KNTC1: variants seen among roughly 807,000 people sequenced by gnomAD.
KNTC1 encodes kinetochore-associated protein 1.
A neutral mutation model predicts 314.4 loss-of-function variants in KNTC1; 253 were observed. The observed-to-expected ratio is 0.80, with a 90% CI of 0.73 to 0.89. KNTC1 has a LOEUF of 0.89. Among genes scored for constraint, KNTC1 ranks in the 40% least tolerant of loss-of-function variants. The pLI is 0.00. For synonymous variants in KNTC1, 901 were observed against 901.4 expected, an observed-to-expected ratio of 1.00 and a Z score of 0.01; for missense variants, 2,475 against 2,572.9, an observed-to-expected ratio of 0.96 and a Z score of 0.82.
chr12:122,585,121 T>C, intron 36 of KNTC1, 131 bp downstream of exon 36: 1 of 620,406 alleles, frequency 1.6e-6, no homozygotes, highest in Non-Finnish European at 2.9e-6. Flanking sequence ...TACTGCAGTC[T>C]TGAACTGGGC....
chr12:122,615,599 A>G, intron 57 of KNTC1, 73 bp downstream of exon 57: 2 of 1,348,644 alleles, frequency 1.5e-6, no homozygotes, highest in Non-Finnish European at 2.0e-6. Flanking sequence ...TGCTGGGGAC[A>G]CTGGATTAAG....
At position 122,562,650 on chromosome 12, in the gene KNTC1, C is replaced by T. The variant is rs1964054585; in HGVS notation, c.1555C>T (p.His519Tyr). 1 of 1,600,350 alleles carries T rather than the reference C, an allele frequency of 6.2e-7. No homozygotes were observed. Among genetic ancestry groups the T allele is most frequent in the African/African-American group, 1.3e-5 (1 of 74,738 alleles). Reference sequence around the variant, plus strand: ...ATTTTTTCTTCAGGTGCTAAGAGCTCATGCAAAATTGACTACTTTTTATGG... The same window carrying T: ...ATTTTTTCTTCAGGTGCTAAGAGCTTATGCAAAATTGACTACTTTTTATGG... ...SDGLKEVLRAHAKLTTFYGAF... is the reference protein window; with the variant it reads ...SDGLKEVLRAYAKLTTFYGAF... The change falls in exon 20 of 64, where the codon CAT becomes TAT. Residue 519 changes from histidine (H) to tyrosine (Y), a missense_variant. By Grantham distance (83) the His-to-Tyr change is moderately conservative. Transcript: ENST00000333479.
chr12:122,570,742 G>T (rs1964631585), intron 22 of KNTC1, 134 bp from the exon 23 acceptor site: 2 of 651,656 alleles, frequency 3.1e-6, no homozygotes, highest in South Asian at 4.0e-5. Context: ...CCACACACAA[G>T]CAAAAAAGAC....
chr12:122,528,523 C>A (rs1007122106), intron 1 of KNTC1, among the ~76,000 whole-genome samples: 8 of 152,076 alleles, frequency 5.3e-5, no homozygotes, highest in Non-Finnish European at 1.5e-5. Flanking sequence ...CCAGCCAGGG[C>A]AAAATAGTGA....
chr12:122,545,701 C>T lies in KNTC1; in HGVS notation c.670-475C>T, dbSNP rs139269459. Among the ~76,000 whole-genome samples, 691 of 152,212 alleles carry T rather than the reference C, an allele frequency of 4.5e-3. 21 individuals carry two copies. The East Asian group carries it at 0.073, about 16-fold the overall frequency. ...GCATGGTGGCTCATGCCTGTAATCC[C>T]AACACTTTGAGAGGCTGAGGTGGGA... On this transcript the variant is annotated intron_variant, in intron 8 of 63. Coordinates refer to ENST00000333479, the MANE Select transcript of KNTC1 (RefSeq NM_014708.6).
intron 20 of KNTC1, among the ~76,000 whole-genome samples, chr12:122,565,883 C>CA (rs1356700299): frequency 6.7e-6 from 1 of 149,564 alleles, no homozygotes; most frequent in Non-Finnish European, 1.5e-5. Context: ...AAACTCGCCT[C>CA]AAAAAATAAA....
chr12:122,598,394 C>T (rs942556923), intron 44 of KNTC1, among the ~76,000 whole-genome samples: 5 of 149,602 alleles, frequency 3.3e-5, no homozygotes, highest in East Asian at 1.9e-4. Flanking sequence ...ATGGTCCTGC[C>T]GGAAATGTCT....
chr12:122,586,815 T>TA (rs1869396857), intron 38 of KNTC1, 58 bp downstream of exon 38: 1 of 603,458 alleles, frequency 1.7e-6, no homozygotes, highest in African/African-American at 2.1e-5. Flanking sequence ...TATTTATTTA[T>TA]TTATTTTATT....
intron 12 of KNTC1, among the ~76,000 whole-genome samples, chr12:122,548,589 A>T (rs575281567): frequency 6.6e-6 from 1 of 152,296 alleles, no homozygotes; most frequent in African/African-American, 2.4e-5. Flanking sequence ...CAAACTGTAG[A>T]ATGGACTTCA....
Position 122,604,868 on chromosome 12 carries a change from G to A in KNTC1, c.5176-9G>A. On this transcript the variant is annotated splice_polypyrimidine_tract_variant and intron_variant, in intron 49 of 63. Coordinates refer to ENST00000333479, the MANE Select transcript of KNTC1 (RefSeq NM_014708.6). Reference sequence around the variant, plus strand: ...TAAGATTTTCTTTTTGCTTGGAATTGTTTAAAAGGACGAAAAACGTGAAAA... The same window carrying A: ...TAAGATTTTCTTTTTGCTTGGAATTATTTAAAAGGACGAAAAACGTGAAAA... 1.3e-6 allele frequency: 2 copies of A among 1,590,580 alleles called. No homozygotes were observed. Among genetic ancestry groups the A allele is most frequent in the Non-Finnish European group, 8.6e-7 (1 of 1,167,886 alleles).
At chr12:122,575,440 T>C (rs2137937873) in intron 27 of KNTC1, 103 bp from the exon 28 acceptor site, 1 of 721,456 alleles carries the variant, frequency 1.4e-6, no homozygotes, top group East Asian at 2.7e-5. Context: ...ATTCTCAAAC[T>C]ACCATGTGGT....
chr12:122,590,907 A>C (rs532420932), intron 41 of KNTC1, among the ~76,000 whole-genome samples, 172 bp downstream of exon 41: 6 of 152,146 alleles, frequency 3.9e-5, no homozygotes, highest in Admixed American at 3.9e-4. Context: ...CTGTATATGC[A>C]AGTTATGAGC....
intron 23 of KNTC1, 29 bp downstream of exon 23, chr12:122,570,961 G>T: frequency 6.3e-7 from 1 of 1,592,726 alleles, no homozygotes; most frequent in East Asian, 2.2e-5. Context: ...ACAGTAAAAA[G>T]ACATTTTGCA....
intron 53 of KNTC1, among the ~76,000 whole-genome samples, chr12:122,612,232 A>C (rs916317356): frequency 1.3e-5 from 2 of 150,496 alleles, no homozygotes; most frequent in African/African-American, 4.9e-5. Context: ...CGCCTGGCTA[A>C]TTTTTGTATT....
rs377336279 is a variant in KNTC1, at chr12:122,620,543, C to T, written c.6214C>T (p.Pro2072Ser). The T allele has an allele frequency of 5.0e-6, 8 of 1,613,458 alleles. No homozygotes were observed. Among genetic ancestry groups the T allele is most frequent in the Non-Finnish European group, 6.8e-6 (8 of 1,179,668 alleles). Residue 2072 changes from proline to serine, a missense_variant, in exon 60 of 64, where the codon CCG (proline) becomes TCG (serine). Physicochemically the swap from Pro to Ser is moderately conservative, Grantham distance 74. Transcript: ENST00000333479. ...CAGGCAGTATATCCAGTTAGAACTTCCGGCTTTTGCATTAGCTTGTCTGAT... is the reference window on the plus strand; with the variant it reads ...CAGGCAGTATATCCAGTTAGAACTTTCGGCTTTTGCATTAGCTTGTCTGAT... ...VARQYIQLEL[P>S]AFALACLMLM...
intron 45 of KNTC1, among the ~76,000 whole-genome samples, chr12:122,602,180 A>G (rs1172258466): frequency 1.3e-5 from 2 of 151,976 alleles, no homozygotes; most frequent in Non-Finnish European, 2.9e-5. Context: ...AGATTATACA[A>G]AGTGTCCTAA....
At position 122,618,653 on chromosome 12, in the gene KNTC1, C is replaced by T. The variant is rs140117577; in HGVS notation, c.6149+108C>T. Reference sequence around the variant, plus strand: ...AATTCCTTTTTGTTAGGAAGTTAAGCATAACACGTGTTTGTTGTTGTTGTT... The same window carrying T: ...AATTCCTTTTTGTTAGGAAGTTAAGTATAACACGTGTTTGTTGTTGTTGTT... On this transcript the variant is annotated intron_variant, in intron 59 of 63. Transcript: ENST00000333479. The T allele has an allele frequency of 1.2e-4, 105 of 842,782 alleles. No individual in the cohort carries two copies. The East Asian group carries it at 2.5e-3, about 20-fold the overall frequency. 52.2% of individuals were successfully genotyped at this position (842,782 alleles called of 1,614,324 possible). A position where few individuals can be genotyped will look rare whatever the true frequency, so the allele number is the denominator to read the frequency against.
intron 18 of KNTC1, among the ~76,000 whole-genome samples, chr12:122,561,509 A>T (rs962040974): frequency 2.6e-5 from 4 of 151,636 alleles, no homozygotes; most frequent in African/African-American, 9.7e-5. Context: ...GCTGGAGTGC[A>T]GTGGTGGGAT....
At chr12:122,577,909 C>G in intron 31 of KNTC1, 118 bp downstream of exon 31, 4 of 891,874 alleles carry the variant, frequency 4.5e-6, no homozygotes, top group Non-Finnish European at 6.2e-6. Flanking sequence ...CTAGGGTGGC[C>G]TAGTGAAAAA....
Sources: gnomAD v4.1 joint callset for allele counts (sites outside exome capture counted in the v4.1 genomes callset) on GRCh38, gnomAD v4.1.1 for gene constraint, MANE v1.5 for transcripts, NCBI Gene and HGNC (gene_info 2026-07-23, HGNC 2026-07-21) for gene names.